Variants in STK3 observed in about 807,000 individuals in gnomAD.
STK3 encodes serine/threonine-protein kinase 3.
STK3 carries 41 observed loss-of-function variants against 58.0 expected under a neutral mutation model. The observed-to-expected ratio is 0.71, with a 90% CI of 0.55 to 0.92. The LOEUF (loss-of-function observed/expected upper bound fraction) is 0.92, where lower values mean the gene tolerates loss of function less well. STK3 is among the 40% of genes least tolerant of loss of function. The pLI, the probability that STK3 is intolerant of heterozygous loss-of-function variation, is 0.00. For missense variants in STK3, 479 were observed against 602.7 expected, an observed-to-expected ratio of 0.79 and a Z score of 2.15; for synonymous variants, 170 against 191.0, an observed-to-expected ratio of 0.89 and a Z score of 0.91.
intron 3 of STK3, among the ~76,000 whole-genome samples, chr8:98,762,761 T>G (rs1830710852): frequency 6.6e-6 from 1 of 152,254 alleles, no homozygotes; most frequent in Non-Finnish European, 1.5e-5. Flanking sequence ...CAGTTGTGAT[T>G]ACCTTGTGTA....
At chr8:98,849,240 A>G (rs951013438) in intron 3 of STK3, among the ~76,000 whole-genome samples, 2 of 151,964 alleles carry the variant, frequency 1.3e-5, no homozygotes, top group Non-Finnish European at 2.9e-5. Context: ...AAAAAAAAAA[A>G]AAAGAAATTC....
downstream of STK3, among the ~76,000 whole-genome samples, chr8:98,452,421 AAAC>A (rs1250887021): frequency 6.6e-6 from 1 of 152,244 alleles, no homozygotes; most frequent in Non-Finnish European, 1.5e-5. Flanking sequence ...TTTGAACATA[AAAC>A]TATTTCTGCT....
intron 3 of STK3, among the ~76,000 whole-genome samples, chr8:98,831,388 G>C: frequency 6.6e-6 from 1 of 152,114 alleles, no homozygotes; most frequent in East Asian, 1.9e-4. Context: ...AAGTAGCCGG[G>C]ACTATAGGCA....
At chr8:98,871,140 G>T (rs1279747214) in intron 3 of STK3, among the ~76,000 whole-genome samples, 1 of 152,174 alleles carries the variant, frequency 6.6e-6, no homozygotes, top group Non-Finnish European at 1.5e-5. Flanking sequence ...GTTTGTCAAA[G>T]ATCAGATGGT....
chr8:98,896,680 T>G (rs1412654643), intron 1 of STK3, among the ~76,000 whole-genome samples: 1 of 152,204 alleles, frequency 6.6e-6, no homozygotes, highest in Non-Finnish European at 1.5e-5. Flanking sequence ...GGCTATTACT[T>G]GCATCAGAAA....
chr8:98,923,854 TGCGC>T (rs3029998), intron 1 of STK3, among the ~76,000 whole-genome samples: 9,522 of 113,536 alleles, frequency 0.084, 356 homozygotes, highest in East Asian at 0.098. Context: ...TGTGTGTGTG[TGCGC>T]GCGCGCGCGC....
chr8:98,614,813 C>T (rs1390262325), intron 6 of STK3, among the ~76,000 whole-genome samples: 1 of 152,128 alleles, frequency 6.6e-6, no homozygotes, highest in African/African-American at 2.4e-5. Context: ...GTCCTACACC[C>T]ACAGAATCTC....
At chr8:98,548,873 G>A (rs182630005) in intron 8 of STK3, among the ~76,000 whole-genome samples, 1 of 151,980 alleles carries the variant, frequency 6.6e-6, no homozygotes, top group African/African-American at 2.4e-5. Context: ...CATGTAAGTG[G>A]AATCATACAA....
At chr8:98,719,791 C>T (rs958734032) in intron 4 of STK3, among the ~76,000 whole-genome samples, 1 of 152,164 alleles carries the variant, frequency 6.6e-6, no homozygotes, top group Non-Finnish European at 1.5e-5. Flanking sequence ...ACTGATAATC[C>T]CAGTCCTAAT....
At chr8:98,410,280 T>TC (rs897699131) in intron 3 of STK3, among the ~76,000 whole-genome samples, 13 of 152,176 alleles carry the variant, frequency 8.5e-5, no homozygotes, top group Non-Finnish European at 1.6e-4. Context: ...ACATGTGGAC[T>TC]CATGTGAACG....
chr8:98,761,671 G>A (rs551341960), intron 3 of STK3, among the ~76,000 whole-genome samples: 1 of 152,248 alleles, frequency 6.6e-6, no homozygotes, highest in South Asian at 2.1e-4. Context: ...TTAAAACTGA[G>A]CTGTTTCCAG....
At chr8:98,351,403 G>A in the STK3 span, among the ~76,000 whole-genome samples, 2 of 152,092 alleles carry the variant, frequency 1.3e-5, no homozygotes, top group Non-Finnish European at 2.9e-5. Context: ...AATGTTTTTG[G>A]TCATAATAAT....
At chr8:98,801,802 T>C (rs1422311562) in intron 1 of STK3, among the ~76,000 whole-genome samples, 1 of 152,182 alleles carries the variant, frequency 6.6e-6, no homozygotes, top group East Asian at 1.9e-4. Context: ...CTTTTTTTTT[T>C]CAGTGACATC....
At chr8:98,937,616 T>C (rs542646028) in intron 1 of STK3, among the ~76,000 whole-genome samples, 4 of 152,352 alleles carry the variant, frequency 2.6e-5, no homozygotes, top group African/African-American at 7.2e-5. Context: ...TTTCAAACAA[T>C]AGCACAATTG....
At chr8:98,620,471 AAAATAAATAAATAAAT>A (rs890531582) in intron 6 of STK3, among the ~76,000 whole-genome samples, 2 of 148,100 alleles carry the variant, frequency 1.4e-5, no homozygotes, top group East Asian at 3.9e-4. Context: ...TATAATAAAA[AAAATAAATAAATAAAT>A]AAATAAATAA....
chr8:98,621,478 A>T lies in STK3; in HGVS notation c.685-25309T>A, dbSNP rs774397141. ...GAGAGTGAACATCGTTCCTGTTCCC[A>T]ACATTAGGGGAAAACATTCAGTCTT... On this transcript the variant is annotated intron_variant, in intron 6 of 10. Coordinates refer to ENST00000419617, the MANE Select transcript of STK3 (RefSeq NM_006281.4). Among the ~76,000 whole-genome samples, 294 of 152,276 alleles carry T rather than the reference A, an allele frequency of 1.9e-3. 4 individuals are homozygous for T. Among genetic ancestry groups the T allele is most frequent in the Non-Finnish European group, 8.1e-4 (55 of 68,030 alleles).
At chr8:98,940,993 C>T (rs907764947) in intron 1 of STK3, among the ~76,000 whole-genome samples, 1 of 152,354 alleles carries the variant, frequency 6.6e-6, no homozygotes, top group Non-Finnish European at 1.5e-5. Context: ...AGCAAAGGGG[C>T]TCGGGCCCAG....
chr8:98,628,819 CAAAAAAAAAAAAAAA>C (rs10571679), intron 6 of STK3, among the ~76,000 whole-genome samples: 4 of 64,156 alleles, frequency 6.2e-5, no homozygotes, highest in Non-Finnish European at 1.1e-4. Context: ...CTCCACACTC[CAAAAAAAAAAAAAAA>C]AAAAAAAAGG....
chr8:98,743,774 A>T (rs1484148817), intron 4 of STK3, among the ~76,000 whole-genome samples: 2 of 151,920 alleles, frequency 1.3e-5, no homozygotes, highest in African/African-American at 4.8e-5. Context: ...ACAGCAAAAG[A>T]AACTACCATC....
Sources: gnomAD v4.1 joint callset for allele counts (sites outside exome capture counted in the v4.1 genomes callset) on GRCh38, gnomAD v4.1.1 for gene constraint, MANE v1.5 for transcripts, NCBI Gene and HGNC (gene_info 2026-07-23, HGNC 2026-07-21) for gene names.